Variants in INSYN2B observed in about 807,000 individuals in gnomAD.
INSYN2B encodes the protein protein INSYN2B.
Under a neutral mutation model 41.2 loss-of-function variants are expected in INSYN2B, and 16 were observed. That is an observed-to-expected ratio of 0.39 (90% CI 0.26 to 0.59). The LOEUF is 0.59. Ranked by LOEUF, INSYN2B falls within the 20% of genes least tolerant of loss-of-function variation. INSYN2B has a pLI of 0.57. For synonymous variants in INSYN2B, 245 were observed against 244.4 expected (o/e 1.00, Z -0.02); for missense variants, 608 against 646.4 (o/e 0.94, Z 0.64).
chr5:169,909,724 G>T (rs189337868), intron 1 of INSYN2B, among the ~76,000 whole-genome samples: 26 of 152,220 alleles, frequency 1.7e-4, no homozygotes, highest in African/African-American at 6.3e-4. Flanking sequence ...ACAGAATTTT[G>T]GTTCTATCCC....
chr5:169,950,093 C>A (rs1776598644), intron 1 of INSYN2B, among the ~76,000 whole-genome samples: 1 of 152,126 alleles, frequency 6.6e-6, no homozygotes, highest in Non-Finnish European at 1.5e-5. Flanking sequence ...CATCTGGCAC[C>A]ATTCTCAGTA....
chr5:169,918,678 C>T (rs1010305346), intron 1 of INSYN2B, among the ~76,000 whole-genome samples: 7 of 152,132 alleles, frequency 4.6e-5, no homozygotes, highest in African/African-American at 1.2e-4. Flanking sequence ...TTTGGGAGGC[C>T]GAGGCGAGAG....
At chr5:169,914,123 T>C (rs1011598955) in intron 1 of INSYN2B, among the ~76,000 whole-genome samples, 1 of 152,184 alleles carries the variant, frequency 6.6e-6, no homozygotes, top group African/African-American at 2.4e-5. Flanking sequence ...TTTGTATAGA[T>C]ATTATACATC....
intron 1 of INSYN2B, among the ~76,000 whole-genome samples, chr5:169,891,782 A>AGACCAGCTTG (rs1170965370): frequency 2.6e-5 from 4 of 152,138 alleles, no homozygotes; most frequent in Admixed American, 6.6e-5. Context: ...CAGGAGTTCA[A>AGACCAGCTTG]GACCAGCTTG....
At chr5:169,922,955 C>T (rs1167401485) in intron 1 of INSYN2B, among the ~76,000 whole-genome samples, 1 of 152,192 alleles carries the variant, frequency 6.6e-6, no homozygotes, top group African/African-American at 2.4e-5. Flanking sequence ...AGCTTCTAAG[C>T]ACTTTGTAAA....
chr5:169,925,752 G>A (rs887572573), intron 1 of INSYN2B, among the ~76,000 whole-genome samples: 71 of 151,970 alleles, frequency 4.7e-4, no homozygotes, highest in African/African-American at 1.6e-3. Context: ...CATTAAAAGA[G>A]ATCATGTAAA....
chr5:169,966,266 C>T (rs1337119129), intron 1 of INSYN2B, among the ~76,000 whole-genome samples: 1 of 151,690 alleles, frequency 6.6e-6, no homozygotes, highest in East Asian at 1.9e-4. Flanking sequence ...AAATGGGCTG[C>T]AAATGTGTAC....
intron 1 of INSYN2B, among the ~76,000 whole-genome samples, chr5:169,901,535 C>T (rs1271459543): frequency 6.6e-6 from 1 of 151,906 alleles, no homozygotes; most frequent in Non-Finnish European, 1.5e-5. Context: ...CTGGATGGGG[C>T]AAAAGTGGAA....
intron 1 of INSYN2B, among the ~76,000 whole-genome samples, chr5:169,941,178 A>G (rs1420877605): frequency 2.0e-5 from 3 of 152,196 alleles, no homozygotes; most frequent in Admixed American, 2.0e-4. Flanking sequence ...TGTGAGCTCC[A>G]GAAAGGTGCT....
chr5:169,865,683 G>A (rs531977345), intron 3 of INSYN2B, among the ~76,000 whole-genome samples: 28 of 152,340 alleles, frequency 1.8e-4, no homozygotes, highest in African/African-American at 5.3e-4. Flanking sequence ...AGGAGCCAGC[G>A]TGGGAGTGTG....
intron 1 of INSYN2B, among the ~76,000 whole-genome samples, chr5:169,976,373 AT>A (rs1561862410): frequency 6.6e-6 from 1 of 152,178 alleles, no homozygotes. Context: ...TTCCTCCTGT[AT>A]AAAATGAGCA....
intron 1 of INSYN2B, among the ~76,000 whole-genome samples, chr5:169,914,911 T>C (rs1309795340): frequency 6.6e-6 from 1 of 152,242 alleles, no homozygotes; most frequent in Admixed American, 6.5e-5. Flanking sequence ...TGGCTTCCTG[T>C]GCATTGCTGT....
chr5:169,892,029 A>G (rs559587764), intron 1 of INSYN2B, among the ~76,000 whole-genome samples: 1 of 152,000 alleles, frequency 6.6e-6, no homozygotes, highest in African/African-American at 2.4e-5. Context: ...GAAAAAAGAA[A>G]AGAAAAACAA....
At chr5:169,911,677 G>A (rs1774606973) in intron 1 of INSYN2B, among the ~76,000 whole-genome samples, 1 of 152,154 alleles carries the variant, frequency 6.6e-6, no homozygotes, top group Admixed American at 6.5e-5. Flanking sequence ...CAATATTAAA[G>A]TTTCCTATAA....
rs1197048244 is a variant in INSYN2B at position 169,971,260 on chromosome 5, G to A, written c.-919+9017C>T. ...GAATCAATGAAGTATCATTCCCAGA[G>A]CAGGAAGGAAGCTGCCAGAGAAGGA... On this transcript the variant is annotated intron_variant, in intron 1 of 3. Transcript: ENST00000377365. 2.6e-5 allele frequency among the ~76,000 whole-genome samples: 4 copies of A among 151,882 alleles called. No homozygotes were observed. In the East Asian group the frequency reaches 7.7e-4, roughly 29 times the overall value.
chr5:169,929,303 C>T (rs1775627220), intron 1 of INSYN2B, among the ~76,000 whole-genome samples: 1 of 152,180 alleles, frequency 6.6e-6, no homozygotes, highest in South Asian at 2.1e-4. Context: ...CCCATTGACA[C>T]CAACAAGTTC....
chr5:169,904,587 C>T (rs1216643935), intron 1 of INSYN2B, among the ~76,000 whole-genome samples: 1 of 152,112 alleles, frequency 6.6e-6, no homozygotes, highest in Non-Finnish European at 1.5e-5. Context: ...GCACCATCAT[C>T]TCATTCTCTC....
intron 1 of INSYN2B, among the ~76,000 whole-genome samples, chr5:169,957,211 G>T (rs77282476): frequency 0.073 from 11,073 of 152,240 alleles, 687 homozygotes; most frequent in East Asian, 0.33. Context: ...ATGAATGAAT[G>T]AATTAATTAA....
chr5:169,888,243 G>A (rs1488712491), intron 1 of INSYN2B, among the ~76,000 whole-genome samples: 1 of 152,132 alleles, frequency 6.6e-6, no homozygotes, highest in African/African-American at 2.4e-5. Flanking sequence ...AGCACCCTCT[G>A]GAGGCCCTTA....
Sources: gnomAD v4.1 joint callset for allele counts (sites outside exome capture counted in the v4.1 genomes callset) on GRCh38, gnomAD v4.1.1 for gene constraint, MANE v1.5 for transcripts, NCBI Gene and HGNC (gene_info 2026-07-23, HGNC 2026-07-21) for gene names.